The following FAM184B variants were observed in gnomAD, a reference collection of about 807,000 sequenced individuals.
The protein encoded by FAM184B is family with sequence similarity 184 member B.
FAM184B carries 111 observed loss-of-function variants against 135.9 expected under a neutral mutation model. The ratio of observed to expected loss-of-function variants is 0.82; its 90% confidence interval spans 0.70 to 0.96. The LOEUF is 0.96. Ranked by LOEUF, FAM184B falls within the 40% of genes least tolerant of loss-of-function variation. The pLI, the probability that FAM184B is intolerant of heterozygous loss-of-function variation, is 0.00. For missense variants in FAM184B, 1,375 were observed against 1,323.9 expected (o/e 1.04, Z -0.60); for synonymous variants, 552 against 524.8 (o/e 1.05, Z -0.71).
Position 17,709,598 on chromosome 4 carries a change from A to T in FAM184B, c.188T>A (p.Met63Lys). ...NTRQDEAEAS[M>K]EALREAHQEE... is the part of the protein sequence containing the mutation. ...CTGGTGCGCTTCCCGCAGCGCCTCC[A>T]TGCTGGCCTCAGCCTCATCCTGGCG... is the stretch of plus-strand genomic sequence containing the variant. The change falls in exon 2 of 18, where the codon ATG becomes AAG. Residue 63 changes from methionine to lysine, a missense_variant. Coordinates refer to ENST00000265018, the MANE Select transcript of FAM184B (RefSeq NM_015688.2). 6.5e-7 allele frequency: 1 copy of T among 1,540,608 alleles called. No individual in the cohort carries two copies. The highest frequency in any genetic ancestry group is 1.2e-5 in the South Asian group (1 of 82,282).
intron 1 of FAM184B, among the ~76,000 whole-genome samples, chr4:17,780,479 A>G (rs1719012318): frequency 6.6e-6 from 1 of 152,148 alleles, no homozygotes; most frequent in African/African-American, 2.4e-5. Context: ...AACAAAGAGC[A>G]CTGGTGGCAT....
At position 17,653,996 on chromosome 4, in the gene FAM184B, C is replaced by T. The variant is rs373260278; in HGVS notation, c.2038-1013G>A. On this transcript the variant is annotated intron_variant, in intron 10 of 17. Transcript: ENST00000265018. ...GGAAGGGACCAGAAGCCACGGAACTCAGGCGGCCTCTAGAAGGTGGAAAAG... is the reference window on the plus strand; with the variant it reads ...GGAAGGGACCAGAAGCCACGGAACTTAGGCGGCCTCTAGAAGGTGGAAAAG... Among the ~76,000 whole-genome samples the T allele has an allele frequency of 2.5e-5, 3 of 117,768 alleles. No homozygotes were observed. In the East Asian group the frequency reaches 9.1e-4, roughly 36 times the overall value. 77.3% of individuals were successfully genotyped at this position (117,768 alleles called of 152,430 possible).
At chr4:17,715,212 C>T (rs1217703641) in intron 1 of FAM184B, among the ~76,000 whole-genome samples, 1 of 152,122 alleles carries the variant, frequency 6.6e-6, no homozygotes, top group African/African-American at 2.4e-5. Context: ...CAGTGGCTAA[C>T]ACCTGTAATC....
In FAM184B at chr4:17,688,637, G is replaced by C. The variant is rs148638699; in HGVS notation, c.1489-106C>G. 281 of 507,406 alleles carry C rather than the reference G, an allele frequency of 5.5e-4. 1 individual carries two copies. The highest frequency in any genetic ancestry group is 4.5e-3 in the African/African-American group (215 of 48,106). The allele number at this position is 507,406 out of a possible 1,614,324, so 31.4% of individuals were successfully genotyped here. A position where few individuals can be genotyped will look rare whatever the true frequency, so the allele number is the denominator to read the frequency against. On this transcript the variant is annotated intron_variant, in intron 6 of 17. Transcript: ENST00000265018. ...CTCCTGGGTCAGTCTGTTCTGGGGA[G>C]AGTGCCCCATTAGACAAATTCTACA...
intron 14 of FAM184B, among the ~76,000 whole-genome samples, chr4:17,637,319 G>T (rs1357372902): frequency 6.6e-6 from 1 of 152,216 alleles, no homozygotes; most frequent in Non-Finnish European, 1.5e-5. Flanking sequence ...GGGCCACCGC[G>T]CCCGGCCCCC....
chr4:17,672,173 AAG>A (rs1266202558), intron 7 of FAM184B, among the ~76,000 whole-genome samples: 2 of 152,182 alleles, frequency 1.3e-5, no homozygotes, highest in African/African-American at 4.8e-5. Flanking sequence ...TGTCACATAT[AAG>A]AGAACCCCCT....
At chr4:17,704,721 G>A (rs1250481816) in intron 5 of FAM184B, among the ~76,000 whole-genome samples, 3 of 152,288 alleles carry the variant, frequency 2.0e-5, no homozygotes, top group Non-Finnish European at 4.4e-5. Flanking sequence ...TTCACCACTC[G>A]TGACACAATT....
chr4:17,643,348 T>G (rs1010607057), intron 12 of FAM184B, among the ~76,000 whole-genome samples: 2 of 152,072 alleles, frequency 1.3e-5, no homozygotes, highest in African/African-American at 4.8e-5. Context: ...CCCCTGCATC[T>G]CCTCTCTGTG....
intron 12 of FAM184B, among the ~76,000 whole-genome samples, chr4:17,646,442 A>T (rs1217325046): frequency 6.6e-6 from 1 of 152,256 alleles, no homozygotes; most frequent in African/African-American, 2.4e-5. Context: ...GACATGGATG[A>T]AGCTGGAAAC....
intron 5 of FAM184B, among the ~76,000 whole-genome samples, chr4:17,693,760 A>C (rs1238034699): frequency 6.6e-6 from 1 of 152,186 alleles, no homozygotes. Context: ...TTTCGGATGC[A>C]GGGAAATAGG....
intron 1 of FAM184B, among the ~76,000 whole-genome samples, chr4:17,711,714 A>G (rs751109452): frequency 4.6e-5 from 7 of 152,110 alleles, no homozygotes; most frequent in Non-Finnish European, 8.8e-5. Context: ...TAGATAATAA[A>G]GGGCCAAAAT....
intron 6 of FAM184B, among the ~76,000 whole-genome samples, chr4:17,690,654 T>G (rs1035934121): frequency 2.0e-5 from 3 of 152,198 alleles, no homozygotes; most frequent in Non-Finnish European, 4.4e-5. Context: ...ATTTCAAGAT[T>G]ATAAAACTAT....
At chr4:17,637,813 A>AC (rs1264581970) in intron 14 of FAM184B, among the ~76,000 whole-genome samples, 2 of 151,754 alleles carry the variant, frequency 1.3e-5, no homozygotes, top group Non-Finnish European at 1.5e-5. Context: ...CTTGCTAGTC[A>AC]CCCCCTCCCC....
intron 1 of FAM184B, among the ~76,000 whole-genome samples, chr4:17,724,829 T>C (rs1438176154): frequency 6.6e-6 from 1 of 152,214 alleles, no homozygotes; most frequent in Non-Finnish European, 1.5e-5. Flanking sequence ...TGCCTAAATA[T>C]TTCTGGAATC....
intron 6 of FAM184B, among the ~76,000 whole-genome samples, chr4:17,689,613 C>T (rs1382911136): frequency 2.0e-5 from 3 of 152,058 alleles, no homozygotes; most frequent in East Asian, 1.9e-4. Context: ...TTGCTCTGTG[C>T]CACCCAGGAA....
chr4:17,695,269 C>A (rs1716830234), intron 5 of FAM184B, among the ~76,000 whole-genome samples: 1 of 151,974 alleles, frequency 6.6e-6, no homozygotes. Flanking sequence ...CTCAAGCAAT[C>A]CTCCTACCTC....
intron 11 of FAM184B, among the ~76,000 whole-genome samples, chr4:17,650,179 C>G (rs959826579): frequency 6.6e-6 from 1 of 151,642 alleles, no homozygotes; most frequent in Non-Finnish European, 1.5e-5. Flanking sequence ...CCCCCATCCA[C>G]TTGTCCATCC....
intron 1 of FAM184B, among the ~76,000 whole-genome samples, chr4:17,742,163 TATA>T (rs1257219851): frequency 0.019 from 79 of 4,126 alleles, no homozygotes; most frequent in African/African-American, 0.031. Flanking sequence ...TATATATATA[TATA>T]TATTTTTTTT....
intron 7 of FAM184B, among the ~76,000 whole-genome samples, chr4:17,687,469 G>A (rs1716614662): frequency 6.6e-6 from 1 of 152,168 alleles, no homozygotes; most frequent in African/African-American, 2.4e-5. Flanking sequence ...TGCCTATCTT[G>A]TGGGTTAGGC....
Sources: gnomAD v4.1 joint callset for allele counts (sites outside exome capture counted in the v4.1 genomes callset) on GRCh38, gnomAD v4.1.1 for gene constraint, MANE v1.5 for transcripts, NCBI Gene and HGNC (gene_info 2026-07-23, HGNC 2026-07-21) for gene names.